Variants in RHBDF1 observed in about 807,000 individuals in gnomAD.
The protein encoded by RHBDF1 is inactive rhomboid protein 1.
A neutral mutation model predicts 98.6 loss-of-function variants in RHBDF1; 80 were observed. The observed-to-expected ratio is 0.81, with a 90% CI of 0.68 to 0.98. RHBDF1 has a LOEUF of 0.98. RHBDF1 is among the 50% of genes least tolerant of loss of function. RHBDF1 has a pLI of 0.00. For synonymous variants in RHBDF1, 512 were observed against 486.8 expected (o/e 1.05, Z -0.68); for missense variants, 1,116 against 1,198.3 (o/e 0.93, Z 1.01).
chr16:71,414 T>TG (rs1008407791), intron 1 of RHBDF1, among the ~76,000 whole-genome samples: 22 of 152,276 alleles, frequency 1.4e-4, no homozygotes, highest in African/African-American at 4.6e-4. Flanking sequence ...GCCAGCTGCT[T>TG]GGTCCCCAGC....
At chr16:66,131 G>T (rs539874059) in intron 1 of RHBDF1, among the ~76,000 whole-genome samples, 1 of 152,348 alleles carries the variant, frequency 6.6e-6, no homozygotes, top group African/African-American at 2.4e-5. Flanking sequence ...GGGCCCCTGA[G>T]CATGACACGA....
In RHBDF1 at chr16:58,586, T is replaced by G. The variant is rs216598; in HGVS notation, c.2322A>C (p.Ser774=). 6.2e-7 allele frequency: 1 copy of G among 1,613,782 alleles called. No individual in the cohort carries two copies. The highest frequency in any genetic ancestry group is 1.1e-5 in the South Asian group (1 of 91,080). Reference sequence around the variant, plus strand: ...AGAGGAAGAGGCCACTGATGAACCCTGAGATGTGGGCAAAGTTGTCAATCC... The same window carrying G: ...AGAGGAAGAGGCCACTGATGAACCCGGAGATGTGGGCAAAGTTGTCAATCC... ...LPWIDNFAHI[S]GFISGLFLSF... is the part of the protein sequence containing the mutation. Residue 774 remains serine (S), a synonymous_variant, in exon 18 of 18, where the codon TCA becomes TCC. Coordinates refer to ENST00000262316, the MANE Select transcript of RHBDF1 (RefSeq NM_022450.5).
At position 59,295 on chromosome 16, in the gene RHBDF1, G is replaced by T; in HGVS notation, c.1948C>A (p.Pro650Thr). Residue 650 changes from proline to threonine, a missense_variant, in exon 16 of 18, where the codon CCT becomes ACT. Coordinates refer to ENST00000262316, the MANE Select transcript of RHBDF1 (RefSeq NM_022450.5). ...AGCCACAGGCGGTAGAACTGGTCAGGCACCTCGGGGTTGAGAAAAGGCAGG... is the reference window on the plus strand; with the variant it reads ...AGCCACAGGCGGTAGAACTGGTCAGTCACCTCGGGGTTGAGAAAAGGCAGG... ...GLLPFLNPEV[P>T]DQFYRLWLSL... The T allele has an allele frequency of 1.9e-6, 3 of 1,611,472 alleles. No homozygotes were observed. Among genetic ancestry groups the T allele is most frequent in the Non-Finnish European group, 2.5e-6 (3 of 1,178,622 alleles).
rs765147110 is a variant in RHBDF1 at position 63,685 on chromosome 16, G to A, written c.364C>T (p.Arg122Trp). ...TCCTGGCTGGGCAGGTCCAGCTCCC[G>A]GAGGACCTGGGGCTTCAGCTTCCCG... ...RYGKLKPQVLRELDLPSQDNV... is the reference protein window; with the variant it reads ...RYGKLKPQVLWELDLPSQDNV... Residue 122 changes from arginine (R) to tryptophan (W), a missense_variant, in exon 4 of 18, where the codon CGG becomes TGG. Coordinates refer to ENST00000262316, the MANE Select transcript of RHBDF1 (RefSeq NM_022450.5). 2.7e-5 allele frequency: 43 copies of A among 1,613,032 alleles called. No homozygotes were observed. The highest frequency in any genetic ancestry group is 1.6e-4 in the Middle Eastern group (1 of 6,082).
chr16:65,169 A>C, intron 1 of RHBDF1, 130 bp from the exon 2 acceptor site: 1 of 983,392 alleles, frequency 1.0e-6, no homozygotes, highest in South Asian at 2.0e-5. Context: ...CTGTCAGAGC[A>C]CTACTGTGTG....
In RHBDF1 at chr16:59,631, G is replaced by A. The variant is rs1596464627; in HGVS notation, c.1817+101C>T. The A allele has an allele frequency of 2.7e-6, 4 of 1,494,332 alleles. No homozygotes were observed. The South Asian group carries it at 3.7e-5, about 14-fold the overall frequency. 92.6% of individuals were successfully genotyped at this position (1,494,332 alleles called of 1,614,324 possible). ...AGACCCCCTCTAACCCCACATCCTT[G>A]GTATACTGGCTTATTTCAGGATTTG... On this transcript the variant is annotated intron_variant, in intron 14 of 17. Coordinates refer to ENST00000262316, the MANE Select transcript of RHBDF1 (RefSeq NM_022450.5).
At chr16:61,523 C>T in intron 9 of RHBDF1, 62 bp downstream of exon 9, 1 of 1,610,546 alleles carries the variant, frequency 6.2e-7, no homozygotes, top group Non-Finnish European at 8.5e-7. Flanking sequence ...CAGAGCGGGT[C>T]GGGAGGGGGT....
At chr16:65,921 C>T (rs1013534600) in intron 1 of RHBDF1, among the ~76,000 whole-genome samples, 1 of 152,230 alleles carries the variant, frequency 6.6e-6, no homozygotes, top group African/African-American at 2.4e-5. Flanking sequence ...GCAAGCTTGG[C>T]TCTACCATGA....
chr16:61,442 C>T lies in RHBDF1; in HGVS notation c.1338G>A (p.Gly446=), dbSNP rs772447757. 14 of 1,612,400 alleles carry T rather than the reference C, an allele frequency of 8.7e-6. No individual in the cohort carries two copies. Among genetic ancestry groups the T allele is most frequent in the Non-Finnish European group, 1.2e-5 (14 of 1,179,830 alleles). ...GCACGTACTTGACGTTCTCGTAGAC[C>T]CCGCGGTTCCGCAGCACCTGGGAGG... ...ETVDSVLRNR[G]VYENVKYVQQ... The change falls in exon 10 of 18, where the codon GGG becomes GGA. Residue 446 remains glycine, a synonymous_variant. Transcript: ENST00000262316.
chr16:69,168 G>C (rs1897907573), intron 1 of RHBDF1, among the ~76,000 whole-genome samples: 1 of 152,180 alleles, frequency 6.6e-6, no homozygotes, highest in African/African-American at 2.4e-5. Context: ...ACCCTCCAAA[G>C]GTGTCGAGTT....
At chr16:65,716 G>A (rs1226089706) in intron 1 of RHBDF1, among the ~76,000 whole-genome samples, 1 of 152,222 alleles carries the variant, frequency 6.6e-6, no homozygotes, top group Non-Finnish European at 1.5e-5. Flanking sequence ...TGCAAGAGGT[G>A]TGTGATCGGT....
intron 7 of RHBDF1, chr16:62,259 A>C (rs991579195): frequency 2.7e-6 from 2 of 754,364 alleles, no homozygotes; most frequent in Non-Finnish European, 4.1e-6. Flanking sequence ...TGACTTCTGC[A>C]ACTCAGCAAG....
Position 59,762 on chromosome 16 carries a change from C to G in RHBDF1, c.1787G>C (p.Gly596Ala), listed in dbSNP as rs781766206. ...CTTGGTGCCAATGCAGCAGGGCCGTCCTGTGATGACACAGTCCATGTGGGG... is the reference window on the plus strand; with the variant it reads ...CTTGGTGCCAATGCAGCAGGGCCGTGCTGTGATGACACAGTCCATGTGGGG... ...NHPHMDCVITGRPCCIGTKGR... is the reference protein window; with the variant it reads ...NHPHMDCVITARPCCIGTKGR... Residue 596 changes from glycine to alanine, a missense_variant, in exon 14 of 18, where the codon GGA becomes GCA. Physicochemically the swap from Gly to Ala is moderately conservative, Grantham distance 60. Coordinates refer to ENST00000262316, the MANE Select transcript of RHBDF1 (RefSeq NM_022450.5). 1.3e-5 allele frequency: 21 copies of G among 1,614,036 alleles called. No individual in the cohort carries two copies. The highest frequency in any genetic ancestry group is 1.7e-5 in the Non-Finnish European group (20 of 1,180,026).
intron 1 of RHBDF1, among the ~76,000 whole-genome samples, chr16:66,245 G>A (rs543793605): frequency 4.1e-4 from 62 of 152,262 alleles, no homozygotes; most frequent in Non-Finnish European, 3.5e-4. Flanking sequence ...GCTCGGAGCC[G>A]CTGGGTCGGC....
upstream of RHBDF1, among the ~76,000 whole-genome samples, chr16:75,603 TG>T (rs1898072045): frequency 6.6e-6 from 1 of 152,148 alleles, no homozygotes; most frequent in Admixed American, 6.5e-5. Context: ...TCCCAGGGTT[TG>T]GCAAGGGGTT....
intron 2 of RHBDF1, 28 bp downstream of exon 2, chr16:64,871 C>A: frequency 6.2e-7 from 1 of 1,613,908 alleles, no homozygotes. Context: ...ACAGGGGGCA[C>A]CCACAGTCCC....
chr16:62,758 C>A lies in RHBDF1; in HGVS notation c.795+17G>T. 2 of 1,614,040 alleles carry A rather than the reference C, an allele frequency of 1.2e-6. No homozygotes were observed. Among genetic ancestry groups the A allele is most frequent in the East Asian group, 2.2e-5 (1 of 44,884 alleles). On this transcript the variant is annotated intron_variant, in intron 6 of 17. Transcript: ENST00000262316. ...GAAGGGAACGTGGGGTGGGGGGACACCCCGGGCACTTCTTACCCGGGCAAA... is the reference window on the plus strand; with the variant it reads ...GAAGGGAACGTGGGGTGGGGGGACAACCCGGGCACTTCTTACCCGGGCAAA...
At chr16:61,515 G>T in intron 9 of RHBDF1, 56 bp from the exon 10 acceptor site, 4 of 1,611,028 alleles carry the variant, frequency 2.5e-6, no homozygotes, top group Non-Finnish European at 3.4e-6. Flanking sequence ...TCTCCTCCCA[G>T]AGCGGGTCGG....
At position 59,309 on chromosome 16, in the gene RHBDF1, A is replaced by T; in HGVS notation, c.1934T>A (p.Leu645His). The change falls in exon 16 of 18, where the codon CTC becomes CAC. Residue 645 changes from leucine to histidine, a missense_variant. Coordinates refer to ENST00000262316, the MANE Select transcript of RHBDF1 (RefSeq NM_022450.5). Reference sequence around the variant, plus strand: ...GAACTGGTCAGGCACCTCGGGGTTGAGAAAAGGCAGGAGCCCACACACATC... The same window carrying T: ...GAACTGGTCAGGCACCTCGGGGTTGTGAAAAGGCAGGAGCCCACACACATC... The part of the protein sequence containing the change: ...MDDVCGLLPF[L>H]NPEVPDQFYR... 1.2e-6 allele frequency: 2 copies of T among 1,612,076 alleles called. No homozygotes were observed. The highest frequency in any genetic ancestry group is 2.2e-5 in the East Asian group (1 of 44,852).
Sources: allele counts gnomAD v4.1 joint callset (sites outside exome capture counted in the v4.1 genomes callset), GRCh38; gene constraint gnomAD v4.1.1; transcripts MANE v1.5; gene names NCBI Gene and HGNC (gene_info 2026-07-23, HGNC 2026-07-21).